Variants in EPHA6 observed in about 807,000 individuals in gnomAD.
EPHA6 encodes EPH receptor A6.
In EPHA6, 50 loss-of-function variants were observed where a neutral mutation model predicts 112.0. That is an observed-to-expected ratio of 0.45 (90% CI 0.36 to 0.56). The LOEUF is 0.56. Among genes scored for constraint, EPHA6 ranks in the 20% least tolerant of loss-of-function variants. The probability of loss-of-function intolerance (pLI) is 0.00; values close to 1 mark genes in which losing one functional copy is unlikely to be tolerated. For missense variants in EPHA6, 1,280 were observed against 1,417.4 expected, an observed-to-expected ratio of 0.90 and a Z score of 1.56; for synonymous variants, 529 against 490.7, an observed-to-expected ratio of 1.08 and a Z score of -1.03.
intron 2 of EPHA6, among the ~76,000 whole-genome samples, chr3:96,870,158 A>C (rs2036554011): frequency 6.6e-6 from 1 of 152,022 alleles, no homozygotes; most frequent in East Asian, 1.9e-4. Context: ...CTACCTAATG[A>C]GAGAGAGATT....
At chr3:96,888,813 A>T in intron 2 of EPHA6, among the ~76,000 whole-genome samples, 1 of 152,154 alleles carries the variant, frequency 6.6e-6, no homozygotes, top group East Asian at 1.9e-4. Context: ...TACTTATGCA[A>T]ATTTCTACAG....
rs1274128673 is a variant in EPHA6, at chr3:97,585,740, ACAAGAATT to A, written c.2387-6871_2387-6864del. On this transcript the variant is annotated intron_variant, in intron 11 of 17. Coordinates refer to ENST00000389672, the MANE Select transcript of EPHA6 (RefSeq NM_001080448.3). ...TTTAGTTGTAGGGGCATGTCAAGTT[ACAAGAATT>A]TAGATAATGGACAAAGTTATGTGAT... is the stretch of plus-strand genomic sequence containing the variant. Among the ~76,000 whole-genome samples, 534 of 152,268 alleles carry A rather than the reference ACAAGAATT, an allele frequency of 3.5e-3. 4 individuals are homozygous for A. Among genetic ancestry groups the A allele is most frequent in the African/African-American group, 0.012 (514 of 41,528 alleles).
At chr3:97,402,760 A>G (rs945922749) in intron 5 of EPHA6, among the ~76,000 whole-genome samples, 1 of 152,172 alleles carries the variant, frequency 6.6e-6, no homozygotes, top group East Asian at 1.9e-4. Flanking sequence ...ATCAAAAATA[A>G]TGTTCCCATT....
At chr3:97,565,828 G>T (rs1180101953) in intron 11 of EPHA6, among the ~76,000 whole-genome samples, 4 of 151,820 alleles carry the variant, frequency 2.6e-5, no homozygotes, top group Middle Eastern at 6.8e-3. Context: ...ACCATCCTGA[G>T]CAACATGGTG....
chr3:96,980,976 T>C (rs1240024726), intron 2 of EPHA6, among the ~76,000 whole-genome samples: 1 of 152,228 alleles, frequency 6.6e-6, no homozygotes, highest in East Asian at 1.9e-4. Context: ...TTTCTAAATA[T>C]ACAAGCATGT....
intron 3 of EPHA6, among the ~76,000 whole-genome samples, chr3:96,999,010 C>G (rs915161822): frequency 6.6e-6 from 1 of 151,810 alleles, no homozygotes; most frequent in Non-Finnish European, 1.5e-5. Flanking sequence ...TTTCTGCCTA[C>G]TTTGTTACAT....
In EPHA6 at chr3:97,290,613, G is replaced by T. The variant is rs548378823; in HGVS notation, c.1606+46326G>T. ...ATTTCTTTCTAATTCAATCTTGGTT[G>T]GTTGTGTTATCAAAAATTTACCTAT... On this transcript the variant is annotated intron_variant, in intron 5 of 17. Transcript: ENST00000389672. Among the ~76,000 whole-genome samples the T allele has an allele frequency of 3.9e-5, 6 of 152,058 alleles. No homozygotes were observed. The East Asian group carries it at 9.6e-4, about 24-fold the overall frequency.
At chr3:97,372,303 C>T (rs561967128) in intron 5 of EPHA6, among the ~76,000 whole-genome samples, 1 of 152,190 alleles carries the variant, frequency 6.6e-6, no homozygotes, top group South Asian at 2.1e-4. Context: ...TAGAAAAGGA[C>T]CCAAGTGAAA....
intron 2 of EPHA6, among the ~76,000 whole-genome samples, chr3:96,878,296 A>G (rs1576215526): frequency 6.6e-6 from 1 of 151,872 alleles, no homozygotes; most frequent in East Asian, 1.9e-4. Context: ...ATGGAGGCCC[A>G]TATGCCTGGA....
intron 3 of EPHA6, among the ~76,000 whole-genome samples, chr3:97,068,903 G>C (rs1284748306): frequency 6.6e-6 from 1 of 152,102 alleles, no homozygotes; most frequent in Non-Finnish European, 1.5e-5. Context: ...CAGACTTCCA[G>C]CCTCCAGAAA....
At chr3:97,642,738 G>GA (rs2094020037) in intron 14 of EPHA6, among the ~76,000 whole-genome samples, 2 of 151,596 alleles carry the variant, frequency 1.3e-5, no homozygotes, top group African/African-American at 4.8e-5. Context: ...GAAGTTTAGA[G>GA]AAAAAAGAAT....
Position 97,729,265 on chromosome 3 carries a change from A to G in EPHA6, c.2935-6660A>G, listed in dbSNP as rs182705235. Among the ~76,000 whole-genome samples, 14 of 152,152 alleles carry G rather than the reference A, an allele frequency of 9.2e-5. No individual in the cohort carries two copies. In the East Asian group the frequency reaches 1.2e-3, roughly 13 times the overall value. ...AGTTATACATTCTGAATGTTGAAAA[A>G]TATTGAATGAGAAAGTATATTAGTC... On this transcript the variant is annotated intron_variant, in intron 15 of 17. Coordinates refer to ENST00000389672, the MANE Select transcript of EPHA6 (RefSeq NM_001080448.3).
chr3:96,954,260 G>C (rs1178224804), intron 2 of EPHA6, among the ~76,000 whole-genome samples: 1 of 152,082 alleles, frequency 6.6e-6, no homozygotes, highest in Admixed American at 6.5e-5. Flanking sequence ...GCCAGATCTT[G>C]CCATTCCTCA....
At chr3:97,272,472 T>A (rs1469923850) in intron 5 of EPHA6, among the ~76,000 whole-genome samples, 2 of 152,188 alleles carry the variant, frequency 1.3e-5, no homozygotes, top group Non-Finnish European at 2.9e-5. Context: ...TTCACTTGCG[T>A]CCGTGTGAAG....
At chr3:97,539,146 C>T (rs1237359472) in intron 11 of EPHA6, among the ~76,000 whole-genome samples, 10 of 118,678 alleles carry the variant, frequency 8.4e-5, no homozygotes, top group African/African-American at 1.6e-4. Context: ...TTCTTTCTTT[C>T]TTCTTTCTTT....
intron 14 of EPHA6, among the ~76,000 whole-genome samples, chr3:97,701,067 TAAG>T (rs1171674478): frequency 6.6e-6 from 1 of 152,156 alleles, no homozygotes; most frequent in Non-Finnish European, 1.5e-5. Context: ...CAGTGGGTAA[TAAG>T]TGGTTGTTCA....
chr3:97,378,259 T>A (rs1156243883), intron 5 of EPHA6, among the ~76,000 whole-genome samples: 1 of 152,154 alleles, frequency 6.6e-6, no homozygotes. Context: ...ACCTTCCACA[T>A]GGTTCTGAGG....
chr3:97,729,028 A>G (rs1293228101), intron 15 of EPHA6, among the ~76,000 whole-genome samples: 1 of 152,070 alleles, frequency 6.6e-6, no homozygotes, highest in African/African-American at 2.4e-5. Context: ...AAGGATGGAG[A>G]ATTGTCTTAG....
intron 3 of EPHA6, among the ~76,000 whole-genome samples, chr3:97,024,834 T>C (rs1457872247): frequency 6.6e-6 from 1 of 152,218 alleles, no homozygotes; most frequent in African/African-American, 2.4e-5. Context: ...TCTTGATTCT[T>C]ATTTTTTTAC....
Sources: gnomAD v4.1 joint callset for allele counts (sites outside exome capture counted in the v4.1 genomes callset) on GRCh38, gnomAD v4.1.1 for gene constraint, MANE v1.5 for transcripts, NCBI Gene and HGNC (gene_info 2026-07-23, HGNC 2026-07-21) for gene names.